OPCML: variants seen among roughly 807,000 people sequenced by gnomAD.
OPCML encodes opioid-binding protein/cell adhesion molecule.
In OPCML, 13 loss-of-function variants were observed where a neutral mutation model predicts 37.8. The ratio of observed to expected loss-of-function variants is 0.34; its 90% CI spans 0.22 to 0.55. The LOEUF is 0.55. Ranked by LOEUF, OPCML falls within the 20% of genes least tolerant of loss-of-function variation. OPCML has a pLI of 0.91. For synonymous variants in OPCML, 176 were observed against 168.8 expected (o/e 1.04, Z -0.33); for missense variants, 341 against 435.6 (o/e 0.78, Z 1.93).
Position 132,657,168 on chromosome 11 carries a change from C to T in OPCML, c.298G>A (p.Val100Met), listed in dbSNP as rs1345451593. Residue 100 changes from valine (V) to methionine (M), a missense_variant, in exon 3 of 8, where the codon GTG becomes ATG. Transcript: ENST00000524381. Reference protein sequence around the residue: ...QYSIMIQNVDVYDEGPYTCSV... With the variant: ...QYSIMIQNVDMYDEGPYTCSV... ...CAGGTGTACGGACCTTCGTCATACA[C>T]ATCCACATTTTGGATCATGATGCTG... The T allele has an allele frequency of 6.2e-7, 1 of 1,614,244 alleles. No individual in the cohort carries two copies. The highest frequency in any genetic ancestry group is 2.2e-5 in the East Asian group (1 of 44,882).
chr11:132,450,127 C>T (rs553804516), intron 4 of OPCML, among the ~76,000 whole-genome samples: 15 of 152,282 alleles, frequency 9.9e-5, no homozygotes, highest in Admixed American at 5.2e-4. Flanking sequence ...GGAGACAGAC[C>T]CCTGCCTTCC....
At chr11:133,350,669 G>A (rs1280372459) in intron 1 of OPCML, among the ~76,000 whole-genome samples, 3 of 152,162 alleles carry the variant, frequency 2.0e-5, no homozygotes, top group South Asian at 2.1e-4. Flanking sequence ...GTGGCCAAGA[G>A]TACCATTGTT....
chr11:133,384,817 C>G (rs1032724019), intron 1 of OPCML, among the ~76,000 whole-genome samples: 4 of 152,248 alleles, frequency 2.6e-5, no homozygotes, highest in African/African-American at 9.6e-5. Context: ...CCTCCTGGAT[C>G]TGTCCCAGAA....
chr11:133,356,270 C>G (rs867978250), intron 1 of OPCML, among the ~76,000 whole-genome samples: 2 of 152,080 alleles, frequency 1.3e-5, no homozygotes, highest in Non-Finnish European at 2.9e-5. Context: ...AACTAACATC[C>G]GATTATAGGT....
At chr11:133,360,752 AT>A (rs1007995976) in intron 1 of OPCML, 14 of 152,134 alleles carry the variant, frequency 9.2e-5, no homozygotes, top group African/African-American at 3.4e-4. Context: ...CGTGGGGAAT[AT>A]TTAGGAACAC....
chr11:132,871,260 A>T (rs1160460496), intron 2 of OPCML, among the ~76,000 whole-genome samples: 1 of 151,810 alleles, frequency 6.6e-6, no homozygotes, highest in Non-Finnish European at 1.5e-5. Flanking sequence ...TGGGTTCCAC[A>T]TCCATGAATT....
intron 1 of OPCML, among the ~76,000 whole-genome samples, chr11:133,189,349 TGAA>T (rs1389477152): frequency 6.6e-6 from 1 of 152,196 alleles, no homozygotes; most frequent in Non-Finnish European, 1.5e-5. Flanking sequence ...AGAAGCAAGG[TGAA>T]GACTAAGGAA....
intron 1 of OPCML, among the ~76,000 whole-genome samples, chr11:133,063,561 G>T (rs1261555673): frequency 7.4e-6 from 1 of 135,774 alleles, no homozygotes; most frequent in Non-Finnish European, 1.6e-5. Context: ...CATTTACAGA[G>T]CTGTTGGTTT....
At chr11:132,656,354 G>T (rs984748389) in intron 3 of OPCML, among the ~76,000 whole-genome samples, 3 of 152,210 alleles carry the variant, frequency 2.0e-5, no homozygotes, top group Admixed American at 2.0e-4. Flanking sequence ...CCCCATTTTT[G>T]AGGTGTAATA....
chr11:132,697,584 C>A (rs758391626), intron 2 of OPCML, among the ~76,000 whole-genome samples: 1 of 152,160 alleles, frequency 6.6e-6, no homozygotes, highest in Non-Finnish European at 1.5e-5. Flanking sequence ...CCTCCAGGTC[C>A]ATCCATGTTG....
At chr11:132,717,483 G>C (rs1388385302) in intron 2 of OPCML, among the ~76,000 whole-genome samples, 1 of 151,692 alleles carries the variant, frequency 6.6e-6, no homozygotes, top group East Asian at 1.9e-4. Flanking sequence ...ACTATGCAAA[G>C]GAAACAAACA....
rs547472762 is a variant in OPCML at position 133,174,050 on chromosome 11, C to T, written c.62-231040G>A. Among the ~76,000 whole-genome samples the T allele has an allele frequency of 5.9e-5, 9 of 152,214 alleles. No homozygotes were observed. The highest frequency in any genetic ancestry group is 1.0e-4 in the Non-Finnish European group (7 of 68,042). On this transcript the variant is annotated intron_variant, in intron 1 of 7. Coordinates refer to ENST00000524381, the MANE Select transcript of OPCML (RefSeq NM_001012393.5). The surrounding 1 kb of genome is among the most constrained non-coding windows in gnomAD (Gnocchi z 4.6). ...CGGCCTGGCAGGCCCTGCACTGCGG[C>T]CATAAATCAGGAACTAATTCAATCC... is the stretch of plus-strand genomic sequence containing the variant.
intron 3 of OPCML, among the ~76,000 whole-genome samples, chr11:132,570,755 GTATATATATA>G (rs71477765): frequency 0.018 from 541 of 30,102 alleles, 18 homozygotes; most frequent in African/African-American, 0.047. Flanking sequence ...AGGAAAGAGA[GTATATATATA>G]TATATATATA....
chr11:133,157,094 A>C, intron 1 of OPCML, among the ~76,000 whole-genome samples: 1 of 152,028 alleles, frequency 6.6e-6, no homozygotes, highest in East Asian at 1.9e-4. Context: ...CAGGTCACCC[A>C]ATGGCAAAAT....
chr11:132,972,797 A>T (rs1009347978), intron 1 of OPCML, among the ~76,000 whole-genome samples: 2 of 152,142 alleles, frequency 1.3e-5, no homozygotes, highest in Admixed American at 1.3e-4. Flanking sequence ...TGTGATCTTC[A>T]TGGGAAACCG....
intron 1 of OPCML, chr11:133,360,589 G>T (rs7952518): frequency 0.24 from 37,226 of 152,078 alleles, 5,671 homozygotes; most frequent in African/African-American, 0.43. Flanking sequence ...GGAAGGAAGC[G>T]GGGACGGAGG....
chr11:132,681,802 A>G (rs943836719), intron 2 of OPCML, among the ~76,000 whole-genome samples: 2 of 152,008 alleles, frequency 1.3e-5, no homozygotes, highest in Non-Finnish European at 2.9e-5. Flanking sequence ...AAAAATACAA[A>G]AAAATTAGCT....
chr11:132,688,371 G>C (rs1317650629), intron 2 of OPCML, among the ~76,000 whole-genome samples: 1 of 152,082 alleles, frequency 6.6e-6, no homozygotes, highest in Admixed American at 6.6e-5. Context: ...ACTGGTACCC[G>C]TAATCTAGTC....
chr11:133,055,444 A>C (rs1156384505), intron 1 of OPCML, among the ~76,000 whole-genome samples: 1 of 147,750 alleles, frequency 6.8e-6, no homozygotes, highest in African/African-American at 2.5e-5. Context: ...GATACTTCCA[A>C]GTGGTGAGAC....
Sources: gnomAD v4.1 joint callset for allele counts (sites outside exome capture counted in the v4.1 genomes callset) on GRCh38, gnomAD v4.1.1 for gene constraint, Gnocchi (gnomAD v3.1) non-coding constraint, MANE v1.5 for transcripts, NCBI Gene and HGNC (gene_info 2026-07-23, HGNC 2026-07-21) for gene names.